PLXNA2: variants seen among roughly 807,000 people sequenced by gnomAD.
The protein encoded by PLXNA2 is plexin-A2.
Under a neutral mutation model 193.5 loss-of-function variants are expected in PLXNA2, and 91 were observed. The ratio of observed to expected loss-of-function variants is 0.47; its 90% confidence interval spans 0.40 to 0.56. The LOEUF (loss-of-function observed/expected upper bound fraction) is 0.56. Among genes scored for constraint, PLXNA2 ranks in the 20% least tolerant of loss-of-function variants. PLXNA2 has a pLI of 0.00. For synonymous variants in PLXNA2, 997 were observed against 1,027.3 expected (o/e 0.97, Z 0.56); for missense variants, 1,995 against 2,503.2 (o/e 0.80, Z 4.33).
chr1:208,215,244 C>G (rs1168726090), intron 2 of PLXNA2, among the ~76,000 whole-genome samples: 1 of 152,196 alleles, frequency 6.6e-6, no homozygotes, highest in Non-Finnish European at 1.5e-5. Context: ...AATCTGCCTA[C>G]CTTAGCCTGC....
rs760643170 is a variant in PLXNA2 at position 208,031,735 on chromosome 1, C to G, written c.5080G>C (p.Asp1694His). 4 of 1,606,962 alleles carry G rather than the reference C, an allele frequency of 2.5e-6. No individual in the cohort carries two copies. Among genetic ancestry groups the G allele is most frequent in the Non-Finnish European group, 3.4e-6 (4 of 1,175,416 alleles). ...GTGCTGAACAAGGTCTCAAACAAGT[C>G]GTCCACAAACTTCTGCAGGGTGCCC... ...TKGTLQKFVDDLFETLFSTVH... is the reference protein window; with the variant it reads ...TKGTLQKFVDHLFETLFSTVH... Residue 1694 changes from aspartate to histidine, a missense_variant, in exon 29 of 32, where the codon GAC becomes CAC. Physicochemically the swap from Asp to His is moderately conservative, Grantham distance 81 (BLOSUM62 -1). Transcript: ENST00000367033.
Position 208,038,036 on chromosome 1 carries a change from A to G in PLXNA2, c.4764+335T>C. Reference sequence around the variant, plus strand: ...TACCTTAAGGTAGTTGTCCATGTGGAGGGCTTTGCAATATGCATTTGATTT... The same window carrying G: ...TACCTTAAGGTAGTTGTCCATGTGGGGGGCTTTGCAATATGCATTTGATTT... On this transcript the variant is annotated intron_variant, in intron 26 of 31. Coordinates refer to ENST00000367033, the MANE Select transcript of PLXNA2 (RefSeq NM_025179.4). This position sits in a 1 kb window ranked among gnomAD's most constrained non-coding sequence, Gnocchi z 4.1. 6.6e-6 allele frequency among the ~76,000 whole-genome samples: 1 copy of G among 152,188 alleles called. No individual in the cohort carries two copies. Among genetic ancestry groups the G allele is most frequent in the East Asian group, 1.9e-4 (1 of 5,202 alleles).
chr1:208,104,902 G>A (rs1002954812), intron 4 of PLXNA2, among the ~76,000 whole-genome samples: 4 of 152,130 alleles, frequency 2.6e-5, no homozygotes, highest in Admixed American at 1.3e-4. Context: ...AGTTTAAGAC[G>A]GGGGATAGCT....
rs192355406 is a variant in PLXNA2 at position 208,235,533 on chromosome 1, G to A, written c.-81+8110C>T. ...ATGGAGAAACCGAGGTGCTGGGTAA[G>A]GGGCAGGAGCCAATTCTGCCAGAGC... On this transcript the variant is annotated intron_variant, in intron 1 of 31. Transcript: ENST00000367033. 4.2e-3 allele frequency among the ~76,000 whole-genome samples: 646 copies of A among 152,340 alleles called. 6 individuals are homozygous for A. The highest frequency in any genetic ancestry group is 0.015 in the African/African-American group (624 of 41,584).
chr1:208,215,077 A>G (rs1671082225), intron 2 of PLXNA2, among the ~76,000 whole-genome samples: 1 of 151,630 alleles, frequency 6.6e-6, no homozygotes, highest in Non-Finnish European at 1.5e-5. Context: ...TAGTAGCACA[A>G]TCTTGGCTCA....
chr1:208,161,725 G>C (rs1306441586), intron 3 of PLXNA2, among the ~76,000 whole-genome samples: 2 of 152,170 alleles, frequency 1.3e-5, no homozygotes, highest in East Asian at 1.9e-4. Flanking sequence ...AGGGAGAAGT[G>C]GTCCTGTTAC....
chr1:208,143,154 A>C (rs1668505346), intron 3 of PLXNA2, among the ~76,000 whole-genome samples: 1 of 152,230 alleles, frequency 6.6e-6, no homozygotes, highest in African/African-American at 2.4e-5. Flanking sequence ...GCTTTAAAAA[A>C]TATGAATGCC....
intron 3 of PLXNA2, among the ~76,000 whole-genome samples, chr1:208,199,108 G>A (rs1670455364): frequency 6.6e-6 from 1 of 152,190 alleles, no homozygotes; most frequent in South Asian, 2.1e-4. Flanking sequence ...TGTAAGACTT[G>A]AGGGTCCCAA....
chr1:208,030,523 A>T (rs1664468763), intron 29 of PLXNA2: 2 of 985,334 alleles, frequency 2.0e-6, no homozygotes, highest in South Asian at 4.7e-5. Flanking sequence ...GGGCCACCCC[A>T]GCCTGTTCGT....
intron 3 of PLXNA2, among the ~76,000 whole-genome samples, chr1:208,192,715 T>A (rs1670221813): frequency 6.6e-6 from 1 of 151,908 alleles, no homozygotes; most frequent in Admixed American, 6.6e-5. Flanking sequence ...GGAGAAACCC[T>A]GTCTCTATTA....
chr1:208,215,870 CT>C (rs1671109653), intron 2 of PLXNA2, among the ~76,000 whole-genome samples: 1 of 152,172 alleles, frequency 6.6e-6, no homozygotes, highest in South Asian at 2.1e-4. Flanking sequence ...CACTGATTTT[CT>C]TGTCTCTGCT....
At position 208,043,191 on chromosome 1, in the gene PLXNA2, A is replaced by G; in HGVS notation, c.3887T>C (p.Leu1296Pro). Reference sequence around the variant, plus strand: ...GGTCAACTCATTGATATCCGTCTGGAGCTCAGCAAAAGCTATGAGAATAAG... The same window carrying G: ...GGTCAACTCATTGATATCCGTCTGGGGCTCAGCAAAAGCTATGAGAATAAG... ...ALECKEAFAE[L>P]QTDINELTSD... The change falls in exon 21 of 32, where the codon CTC becomes CCC. Residue 1296 changes from leucine to proline, a missense_variant. Physicochemically the swap from Leu to Pro is moderately conservative, Grantham distance 98 (BLOSUM62 -3). Transcript: ENST00000367033. 1 of 1,613,992 alleles carries G rather than the reference A, an allele frequency of 6.2e-7. No individual in the cohort carries two copies. The highest frequency in any genetic ancestry group is 8.5e-7 in the Non-Finnish European group (1 of 1,179,922).
intron 3 of PLXNA2, among the ~76,000 whole-genome samples, chr1:208,206,749 C>A (rs1397858968): frequency 6.6e-6 from 1 of 150,538 alleles, no homozygotes; most frequent in Non-Finnish European, 1.5e-5. Flanking sequence ...TTAGCTTATG[C>A]AGCATTGCAC....
At chr1:208,102,347 A>T (rs1458447795) in intron 5 of PLXNA2, among the ~76,000 whole-genome samples, 2 of 152,258 alleles carry the variant, frequency 1.3e-5, no homozygotes, top group Non-Finnish European at 2.9e-5. Flanking sequence ...TTCCAACTCC[A>T]TTGGGCAACA....
intron 3 of PLXNA2, among the ~76,000 whole-genome samples, chr1:208,178,005 G>C (rs1669712275): frequency 6.6e-6 from 1 of 152,200 alleles, no homozygotes; most frequent in Non-Finnish European, 1.5e-5. Flanking sequence ...CTGAGGACTT[G>C]AACAAACATT....
At chr1:208,084,754 A>C (rs1666456332) in intron 9 of PLXNA2, among the ~76,000 whole-genome samples, 174 bp from the exon 10 acceptor site, 1 of 152,170 alleles carries the variant, frequency 6.6e-6, no homozygotes, top group Non-Finnish European at 1.5e-5. Flanking sequence ...CTGGGCTTTG[A>C]TATTGTCATC....
At chr1:208,150,148 G>A (rs1031585997) in intron 3 of PLXNA2, among the ~76,000 whole-genome samples, 1 of 152,150 alleles carries the variant, frequency 6.6e-6, no homozygotes, top group Non-Finnish European at 1.5e-5. Flanking sequence ...GGGGAAGGAG[G>A]TTGTTAAGAT....
chr1:208,233,496 G>C (rs182488923), intron 1 of PLXNA2, among the ~76,000 whole-genome samples: 3 of 152,350 alleles, frequency 2.0e-5, no homozygotes, highest in Admixed American at 1.3e-4. Flanking sequence ...AGGAAGCTGG[G>C]GGCCCGCAGT....
chr1:208,183,300 C>G (rs1669901483), intron 3 of PLXNA2, among the ~76,000 whole-genome samples: 1 of 152,226 alleles, frequency 6.6e-6, no homozygotes, highest in Non-Finnish European at 1.5e-5. Context: ...CCCATGAACT[C>G]ACTTTCTTGA....
Sources: allele counts gnomAD v4.1 joint callset (sites outside exome capture counted in the v4.1 genomes callset), GRCh38; gene constraint gnomAD v4.1.1; non-coding constraint Gnocchi (gnomAD v3.1); transcripts MANE v1.5; gene names NCBI Gene and HGNC (gene_info 2026-07-23, HGNC 2026-07-21).